The following LARP1B variants were observed in gnomAD, a reference collection of about 807,000 sequenced individuals.
LARP1B encodes the protein La ribonucleoprotein 1B.
LARP1B carries 76 observed loss-of-function variants against 114.2 expected under a neutral mutation model. The ratio of observed to expected loss-of-function variants is 0.67; its 90% CI spans 0.55 to 0.81. LARP1B has a LOEUF of 0.81. LARP1B is among the 30% of genes least tolerant of loss of function. The pLI is 0.00. For missense variants in LARP1B, 1,014 were observed against 1,075.8 expected, an observed-to-expected ratio of 0.94 and a Z score of 0.80; for synonymous variants, 345 against 348.0, an observed-to-expected ratio of 0.99 and a Z score of 0.10.
At chr4:128,077,325 C>A (rs1768326625) in intron 3 of LARP1B, among the ~76,000 whole-genome samples, 1 of 151,650 alleles carries the variant, frequency 6.6e-6, no homozygotes, top group African/African-American at 2.4e-5. Flanking sequence ...TGGCGAAACC[C>A]CCTCTCTACT....
intron 4 of LARP1B, among the ~76,000 whole-genome samples, chr4:128,079,062 G>A (rs570938498): frequency 6.6e-6 from 1 of 150,466 alleles, no homozygotes; most frequent in South Asian, 2.1e-4. Context: ...AACTTTTACC[G>A]TAGACTGATC....
chr4:128,094,055 CT>C (rs1013631916), intron 7 of LARP1B, among the ~76,000 whole-genome samples: 4 of 149,656 alleles, frequency 2.7e-5, no homozygotes, highest in African/African-American at 7.4e-5. Context: ...TTGCAGTCTA[CT>C]TTTTTTTAAC....
At chr4:128,078,778 G>T (rs1180965910) in intron 4 of LARP1B, among the ~76,000 whole-genome samples, 4 of 151,912 alleles carry the variant, frequency 2.6e-5, no homozygotes, top group Admixed American at 2.6e-4. Context: ...ATCAGTGCTC[G>T]GAGTCTTCGT....
chr4:128,193,688 C>G (rs976852766), intron 15 of LARP1B, among the ~76,000 whole-genome samples: 2 of 152,076 alleles, frequency 1.3e-5, no homozygotes, highest in Non-Finnish European at 2.9e-5. Flanking sequence ...GTGATCTTGG[C>G]TCACTGCAAC....
At chr4:128,061,550 G>A (rs1342160506) in intron 1 of LARP1B, 149 bp downstream of exon 1, 2 of 399,738 alleles carry the variant, frequency 5.0e-6, no homozygotes, top group East Asian at 3.2e-4. Context: ...GCCTCGGCGG[G>A]CGGCGGCAGC....
chr4:128,072,529 G>A (rs1765776578), intron 1 of LARP1B, among the ~76,000 whole-genome samples: 1 of 151,478 alleles, frequency 6.6e-6, no homozygotes, highest in Admixed American at 6.6e-5. Context: ...CCTTTCTTAG[G>A]CTTCTTTTAC....
At chr4:128,168,328 C>T (rs781347574) in intron 12 of LARP1B, among the ~76,000 whole-genome samples, 2 of 151,716 alleles carry the variant, frequency 1.3e-5, no homozygotes, top group Admixed American at 1.3e-4. Flanking sequence ...CTCATTGTGA[C>T]TGATGCTGTT....
chr4:128,178,952 C>T (rs1481971114), intron 14 of LARP1B, among the ~76,000 whole-genome samples: 4 of 151,900 alleles, frequency 2.6e-5, no homozygotes, highest in African/African-American at 7.3e-5. Flanking sequence ...ATTAGATGGG[C>T]GTGGTGGCGT....
intron 15 of LARP1B, among the ~76,000 whole-genome samples, chr4:128,197,433 C>A (rs572949150): frequency 6.6e-6 from 1 of 152,300 alleles, no homozygotes; most frequent in African/African-American, 2.4e-5. Flanking sequence ...CAGTAGCTTA[C>A]GCCTGTAATC....
At chr4:128,066,165 C>CTTTTTTTTTTTTTTTTTTTTTTTTTTTT (rs59927866) in intron 1 of LARP1B, among the ~76,000 whole-genome samples, 5 of 99,188 alleles carry the variant, frequency 5.0e-5, no homozygotes, top group Non-Finnish European at 9.4e-5. Flanking sequence ...TTTCTTTCTT[C>CTTTTTTTTTTTTTTTTTTTTTTTTTTTT]TTTTTTTTTT....
chr4:128,130,413 T>C (rs1791191328), intron 11 of LARP1B, among the ~76,000 whole-genome samples: 1 of 152,146 alleles, frequency 6.6e-6, no homozygotes, highest in Non-Finnish European at 1.5e-5. Flanking sequence ...CCAAAGAAGA[T>C]AAACAGCAAA....
At chr4:128,095,970 A>G (rs1049612467) in intron 7 of LARP1B, among the ~76,000 whole-genome samples, 37 of 145,804 alleles carry the variant, frequency 2.5e-4, no homozygotes, top group African/African-American at 9.1e-4. Flanking sequence ...TCATACTCTC[A>G]TTTACATATA....
chr4:128,173,940 C>T (rs530076916), intron 12 of LARP1B, among the ~76,000 whole-genome samples: 1 of 152,232 alleles, frequency 6.6e-6, no homozygotes, highest in East Asian at 1.9e-4. Context: ...CCCCTTCAGC[C>T]TGAGGCAACT....
chr4:128,090,827 A>T (rs556571534), intron 5 of LARP1B, among the ~76,000 whole-genome samples, 174 bp from the exon 6 acceptor site: 6 of 152,212 alleles, frequency 3.9e-5, no homozygotes, highest in African/African-American at 9.6e-5. Flanking sequence ...TATGCTAGAG[A>T]TATTTTTGAT....
chr4:128,205,589 C>T (rs1757352956), intron 17 of LARP1B, among the ~76,000 whole-genome samples: 1 of 152,144 alleles, frequency 6.6e-6, no homozygotes, highest in Non-Finnish European at 1.5e-5. Context: ...ATTAATTGTA[C>T]TTTATAATGA....
At chr4:128,139,034 A>G (rs1225953986) in intron 11 of LARP1B, among the ~76,000 whole-genome samples, 1 of 152,212 alleles carries the variant, frequency 6.6e-6, no homozygotes, top group Non-Finnish European at 1.5e-5. Context: ...CAGATAACCA[A>G]GTTGTGTTCA....
At chr4:128,090,415 T>G (rs1166121992) in intron 5 of LARP1B, among the ~76,000 whole-genome samples, 1 of 152,162 alleles carries the variant, frequency 6.6e-6, no homozygotes, top group Admixed American at 6.5e-5. Context: ...TTTTCTGTAT[T>G]TATTGTCCAC....
chr4:128,063,915 A>T (rs974532528), intron 1 of LARP1B, among the ~76,000 whole-genome samples: 20 of 140,968 alleles, frequency 1.4e-4, no homozygotes, highest in Non-Finnish European at 2.9e-4. Context: ...GCAGCAGAAC[A>T]AGAAATATTT....
In LARP1B at chr4:128,077,947, A is replaced by C; in HGVS notation, c.202A>C (p.Asn68His). The change falls in exon 4 of 20, where the codon AAT (asparagine) becomes CAT (histidine). Residue 68 changes from asparagine to histidine, a missense_variant. Physicochemically the swap from Asn to His is moderately conservative, Grantham distance 68. Transcript: ENST00000326639. ...NVSEDEAQSS[N>H]QRKRANKHKW... The stretch of plus-strand genomic sequence containing the variant: ...CAGTGAGGATGAGGCTCAGTCAAGT[A>C]ATCAACGTAAGAGAGGTCAGTTTGT... 1 of 1,600,770 alleles carries C rather than the reference A, an allele frequency of 6.2e-7. No individual in the cohort carries two copies. Among genetic ancestry groups the C allele is most frequent in the African/African-American group, 1.3e-5 (1 of 74,180 alleles).
Sources: allele counts gnomAD v4.1 joint callset (sites outside exome capture counted in the v4.1 genomes callset), GRCh38; gene constraint gnomAD v4.1.1; transcripts MANE v1.5; gene names NCBI Gene and HGNC (gene_info 2026-07-23, HGNC 2026-07-21).